The following TNC variants were observed in gnomAD, a reference collection of about 807,000 sequenced individuals.
TNC encodes tenascin C.
In TNC, 109 loss-of-function variants were observed where a neutral mutation model predicts 202.4. That is an observed-to-expected ratio of 0.54 (90% confidence interval 0.46 to 0.63). TNC has a LOEUF of 0.63. Ranked by LOEUF, TNC falls within the 30% of genes least tolerant of loss-of-function variation. TNC has a pLI of 0.00. For synonymous variants in TNC, 1,007 were observed against 1,089.7 expected (o/e 0.92, Z 1.50); for missense variants, 2,756 against 2,833.3 (o/e 0.97, Z 0.62).
At position 115,036,196 on chromosome 9, in the gene TNC, G is replaced by A. The variant is rs758502904; in HGVS notation, c.5558C>T (p.Ala1853Val). The A allele has an allele frequency of 5.6e-6, 9 of 1,614,164 alleles. No individual in the cohort carries two copies. The highest frequency in any genetic ancestry group is 2.2e-5 in the East Asian group (1 of 44,882). ...RTVSGNTVEY[A>V]LTDLEPATEY... ...CGTGGCAGGCTCGAGGTCGGTCAGA[G>A]CATACTCCACTGTGTTCCCGGACAC... The change falls in exon 21 of 28, where the codon GCT becomes GTT. Residue 1853 changes from alanine to valine, a missense_variant. Coordinates refer to ENST00000350763, the MANE Select transcript of TNC (RefSeq NM_002160.4).
At chr9:115,092,808 A>G (rs1238030126) in intron 1 of TNC, among the ~76,000 whole-genome samples, 1 of 150,592 alleles carries the variant, frequency 6.6e-6, no homozygotes, top group Non-Finnish European at 1.5e-5. Flanking sequence ...CTGGTCCCGA[A>G]CTCCTGAGCT....
Position 115,086,529 on chromosome 9 carries a change from G to C in TNC, c.1202C>G (p.Ala401Gly). The C allele has an allele frequency of 1.2e-6, 2 of 1,613,648 alleles. No individual in the cohort carries two copies. Among genetic ancestry groups the C allele is most frequent in the Non-Finnish European group, 1.7e-6 (2 of 1,179,946 alleles). The change falls in exon 3 of 28, where the codon GCT (alanine) becomes GGT (glycine). Residue 401 changes from alanine (A) to glycine (G), a missense_variant. Physicochemically the swap from Ala to Gly is moderately conservative, Grantham distance 60 (BLOSUM62 0). Transcript: ENST00000350763. Reference protein sequence around the residue: ...RCECDDGFTGADCGELKCPNG... With the variant: ...RCECDDGFTGGDCGELKCPNG... Reference sequence around the variant, plus strand: ...GGGACACTTGAGCTCCCCACAGTCAGCTCCAGTGAAACCATCATCACACTC... The same window carrying C: ...GGGACACTTGAGCTCCCCACAGTCACCTCCAGTGAAACCATCATCACACTC...
At chr9:115,060,958 C>A (rs1435229139) in intron 13 of TNC, among the ~76,000 whole-genome samples, 1 of 152,076 alleles carries the variant, frequency 6.6e-6, no homozygotes, top group African/African-American at 2.4e-5. Context: ...AGAACAGAAC[C>A]CACTATTACT....
chr9:115,086,968 G>A lies in TNC; in HGVS notation c.763C>T (p.Pro255Ser), dbSNP rs1476507216. Residue 255 changes from proline to serine, a missense_variant, in exon 3 of 28, where the codon CCC (proline) becomes TCC (serine). By Grantham distance (74) the Pro-to-Ser change is moderately conservative. Transcript: ENST00000350763. ...CATGTGCCGTGCTCCTCACTGCAGG[G>A]CACTGGGCAGATTTCACGGCTGCAG... ...ADCSREICPV[P>S]CSEEHGTCVD... The A allele has an allele frequency of 1.2e-6, 2 of 1,614,174 alleles. No homozygotes were observed. The highest frequency in any genetic ancestry group is 8.5e-7 in the Non-Finnish European group (1 of 1,180,040).
At chr9:115,046,726 C>T (rs2132123456) in intron 16 of TNC, 44 bp from the exon 17 acceptor site, 1 of 1,604,480 alleles carries the variant, frequency 6.2e-7, no homozygotes. Context: ...AAGACAACAT[C>T]ATTTACCAGT....
chr9:115,022,874 G>A (rs72758630), intron 27 of TNC, among the ~76,000 whole-genome samples: 18,619 of 151,970 alleles, frequency 0.12, 1,193 homozygotes, highest in Non-Finnish European at 0.14. Flanking sequence ...ACTTAAGGTC[G>A]CAGGTGTCAT....
chr9:115,038,202 A>G, intron 20 of TNC, 59 bp downstream of exon 20: 2 of 1,570,950 alleles, frequency 1.3e-6, no homozygotes, highest in South Asian at 1.2e-5. Context: ...GCGAATGGGA[A>G]GAGTTTACAG....
rs374307053 is a variant in TNC at position 115,086,767 on chromosome 9, G to A, written c.964C>T (p.Arg322Trp). ...ELICPNDCFD[R>W]GRCINGTCYC... ...CAGGTGCCATTGATGCAGCGGCCCC[G>A]GTCGAAGCAGTCATTGGGGCAGATG... The change falls in exon 3 of 28, where the codon CGG becomes TGG. Residue 322 changes from arginine to tryptophan, a missense_variant. Arg to Trp is a moderately radical substitution (Grantham distance 101). Around this residue, in one of 2 missense-constraint regions of TNC, gnomAD observed 2,559 missense variants for 2,546.0 expected, o/e 1.01. Transcript: ENST00000350763. 72 of 1,613,704 alleles carry A rather than the reference G, an allele frequency of 4.5e-5. No homozygotes were observed. The East Asian group carries it at 5.1e-4, about 11-fold the overall frequency.
intron 1 of TNC, among the ~76,000 whole-genome samples, chr9:115,099,787 A>C (rs1836087908): frequency 6.6e-6 from 1 of 152,206 alleles, no homozygotes; most frequent in Admixed American, 6.5e-5. Context: ...TTTCTAACAG[A>C]AGGCTAGTCT....
chr9:115,023,899 G>T, intron 27 of TNC, 74 bp downstream of exon 27: 1 of 1,525,034 alleles, frequency 6.6e-7, no homozygotes, highest in Non-Finnish European at 9.0e-7. Flanking sequence ...AGGATAGGGA[G>T]TTAAATTGTA....
chr9:115,092,728 C>A (rs1390949800), intron 1 of TNC, among the ~76,000 whole-genome samples: 1 of 150,094 alleles, frequency 6.7e-6, no homozygotes, highest in East Asian at 2.0e-4. Context: ...TGCACACTGC[C>A]ATGCCTGGCT....
At chr9:115,094,214 G>A (rs12380780) in intron 1 of TNC, among the ~76,000 whole-genome samples, 7,185 of 152,122 alleles carry the variant, frequency 0.047, 215 homozygotes, top group Middle Eastern at 0.14. Context: ...GCGCTCCTGG[G>A]GAACAAAACC....
intron 24 of TNC, among the ~76,000 whole-genome samples, chr9:115,029,868 A>G (rs182352469): frequency 1.8e-4 from 27 of 152,310 alleles, no homozygotes; most frequent in African/African-American, 6.0e-4. Flanking sequence ...CCCAGCTCCT[A>G]TGGTAATGGG....
At chr9:115,082,593 A>G in intron 5 of TNC, 99 bp downstream of exon 5, 1 of 814,294 alleles carries the variant, frequency 1.2e-6, no homozygotes, top group Non-Finnish European at 2.0e-6. Flanking sequence ...TCCTCCACCA[A>G]AAACTAAGGA....
At chr9:115,045,730 C>G (rs372822907) in intron 17 of TNC, among the ~76,000 whole-genome samples, 1 of 150,990 alleles carries the variant, frequency 6.6e-6, no homozygotes, top group African/African-American at 2.4e-5. Flanking sequence ...CTTGAAACAG[C>G]TCCTATGGAA....
intron 14 of TNC, among the ~76,000 whole-genome samples, chr9:115,059,065 C>T (rs1832346701): frequency 6.6e-6 from 1 of 152,308 alleles, no homozygotes; most frequent in Non-Finnish European, 1.5e-5. Flanking sequence ...GCTGTGTGTA[C>T]TTGTGCTAAT....
intron 10 of TNC, among the ~76,000 whole-genome samples, chr9:115,070,094 C>A (rs1327312602): frequency 1.3e-5 from 2 of 151,884 alleles, no homozygotes; most frequent in African/African-American, 4.8e-5. Context: ...GGAATCAGTC[C>A]TTATATTCTG....
At chr9:115,117,848 CTTTT>C (rs3833490) in intron 1 of TNC, 130 bp downstream of exon 1, 2 of 151,866 alleles carry the variant, frequency 1.3e-5, no homozygotes, top group East Asian at 3.9e-4. Flanking sequence ...ATACACACTC[CTTTT>C]TTTTCCAGCG....
At chr9:115,042,107 A>G in intron 18 of TNC, 112 bp downstream of exon 18, 1 of 1,450,518 alleles carries the variant, frequency 6.9e-7, no homozygotes, top group East Asian at 2.3e-5. Flanking sequence ...CAAATAAAGA[A>G]TTCATTTTCT....
Sources: gnomAD v4.1 joint callset for allele counts (sites outside exome capture counted in the v4.1 genomes callset) on GRCh38, gnomAD v4.1.1 for gene constraint, gnomAD v4.1.1 regional missense constraint, MANE v1.5 for transcripts, NCBI Gene and HGNC (gene_info 2026-07-23, HGNC 2026-07-21) for gene names.